CCDC178: variants seen among roughly 807,000 people sequenced by gnomAD.
The protein encoded by CCDC178 is coiled-coil domain-containing protein 178.
Under a neutral mutation model 117.4 loss-of-function variants are expected in CCDC178, and 126 were observed. The observed-to-expected ratio is 1.07, with a 90% CI of 0.93 to 1.24. The LOEUF (loss-of-function observed/expected upper bound fraction) is 1.24, where lower values mean the gene tolerates loss of function less well. Among genes scored for constraint, CCDC178 ranks in the 50% most tolerant of loss-of-function variants. The probability of loss-of-function intolerance (pLI) is 0.00; values close to 1 mark genes in which losing one functional copy is unlikely to be tolerated. For synonymous variants in CCDC178, 283 were observed against 313.4 expected (o/e 0.90, Z 1.02); for missense variants, 1,030 against 986.9 (o/e 1.04, Z -0.59).
At chr18:32,978,203 A>ATTTTTTTTTTTTTTTTTTTTTTTTTTTT (rs34863142) in intron 21 of CCDC178, among the ~76,000 whole-genome samples, 1 of 90,022 alleles carries the variant, frequency 1.1e-5, no homozygotes. Flanking sequence ...CTCAAAAAAG[A>ATTTTTTTTTTTTTTTTTTTTTTTTTTTT]TTTTTTTTTT....
At chr18:33,413,016 A>C (rs767039141) in intron 2 of CCDC178, among the ~76,000 whole-genome samples, 13 of 152,172 alleles carry the variant, frequency 8.5e-5, no homozygotes, top group Non-Finnish European at 1.8e-4. Flanking sequence ...TCTGTTCCCT[A>C]TAATTCCTGC....
At position 33,282,141 on chromosome 18, in the gene CCDC178, C is replaced by T. The variant is rs373638916; in HGVS notation, c.1176+11018G>A. 2.4e-4 allele frequency among the ~76,000 whole-genome samples: 36 copies of T among 152,226 alleles called. 1 individual carries two copies. In the South Asian group the frequency reaches 5.4e-3, roughly 23 times the overall value. On this transcript the variant is annotated intron_variant, in intron 12 of 22. Transcript: ENST00000383096. The stretch of plus-strand genomic sequence containing the variant: ...GCTCATTTTTGAACCACAACAGTTC[C>T]GGAGGAATAGGTGAGTGAAACTGGC...
At chr18:33,276,007 C>A (rs1398365004) in intron 12 of CCDC178, among the ~76,000 whole-genome samples, 1 of 140,002 alleles carries the variant, frequency 7.1e-6, no homozygotes, top group Non-Finnish European at 1.6e-5. Context: ...TAGAGCAAGA[C>A]CCTGTTTCTA....
At chr18:33,247,812 C>T (rs67663667) in intron 14 of CCDC178, among the ~76,000 whole-genome samples, 10,250 of 151,762 alleles carry the variant, frequency 0.068, 513 homozygotes, top group African/African-American at 0.14. Flanking sequence ...ACACAGTCCA[C>T]GCATTAAATG....
intron 20 of CCDC178, among the ~76,000 whole-genome samples, chr18:33,188,560 T>C (rs200316106): frequency 1.3e-5 from 2 of 151,974 alleles, no homozygotes; most frequent in African/African-American, 4.8e-5. Context: ...ACCTGCTGGT[T>C]TAAGGTGTAA....
intron 12 of CCDC178, among the ~76,000 whole-genome samples, chr18:33,268,921 C>G (rs1177847324): frequency 1.3e-5 from 2 of 151,820 alleles, no homozygotes; most frequent in Non-Finnish European, 2.9e-5. Flanking sequence ...GAAGAGTGCA[C>G]TTTGTGGTGT....
intron 2 of CCDC178, among the ~76,000 whole-genome samples, chr18:33,412,973 A>T (rs2063880622): frequency 6.6e-6 from 1 of 152,102 alleles, no homozygotes; most frequent in South Asian, 2.1e-4. Flanking sequence ...CCACATCGCT[A>T]ACAACCTCCC....
chr18:33,238,151 T>A (rs955421111), intron 15 of CCDC178, among the ~76,000 whole-genome samples: 5 of 152,138 alleles, frequency 3.3e-5, no homozygotes, highest in Non-Finnish European at 5.9e-5. Context: ...TCAACATGAA[T>A]AAGTTTCCCT....
intron 20 of CCDC178, among the ~76,000 whole-genome samples, chr18:33,154,313 GTGTC>G (rs2058370012): frequency 6.6e-6 from 1 of 152,134 alleles, no homozygotes; most frequent in African/African-American, 2.4e-5. Context: ...AAAAATAAGA[GTGTC>G]TGGAGTCGGT....
chr18:33,095,562 A>C (rs541000962), intron 20 of CCDC178, among the ~76,000 whole-genome samples: 1 of 152,174 alleles, frequency 6.6e-6, no homozygotes, highest in African/African-American at 2.4e-5. Flanking sequence ...TTGCACTGCG[A>C]AGATCTAACA....
At chr18:32,951,715 T>G (rs968815152) in intron 22 of CCDC178, among the ~76,000 whole-genome samples, 8 of 152,204 alleles carry the variant, frequency 5.3e-5, no homozygotes, top group African/African-American at 1.4e-4. Context: ...CCCAAAGTCT[T>G]AACTCATTCC....
chr18:33,093,421 G>A (rs1042539894), intron 20 of CCDC178, among the ~76,000 whole-genome samples: 4 of 152,012 alleles, frequency 2.6e-5, no homozygotes, highest in Non-Finnish European at 5.9e-5. Flanking sequence ...AAAAGACAAA[G>A]AATAGGGAAT....
chr18:33,344,766 T>C (rs1415215281), intron 9 of CCDC178, among the ~76,000 whole-genome samples: 1 of 150,596 alleles, frequency 6.6e-6, no homozygotes, highest in Non-Finnish European at 1.5e-5. Flanking sequence ...TCCCAGGGTG[T>C]CTTTTCTGAC....
intron 2 of CCDC178, among the ~76,000 whole-genome samples, chr18:33,425,588 TA>T (rs2064110620): frequency 6.6e-6 from 1 of 152,218 alleles, no homozygotes; most frequent in Admixed American, 6.5e-5. Flanking sequence ...CAATTATCTC[TA>T]GAGGATTTTA....
At chr18:33,365,846 A>T (rs1311428279) in intron 6 of CCDC178, among the ~76,000 whole-genome samples, 33 of 152,090 alleles carry the variant, frequency 2.2e-4, no homozygotes, top group Non-Finnish European at 7.4e-5. Flanking sequence ...ATAAAACAAG[A>T]GTCTTTTATT....
chr18:33,358,818 G>A (rs747656503), intron 6 of CCDC178, among the ~76,000 whole-genome samples: 6 of 151,734 alleles, frequency 4.0e-5, no homozygotes, highest in Non-Finnish European at 8.9e-5. Flanking sequence ...CACAAACTGA[G>A]AGAAAGTGTT....
chr18:32,945,128 A>G (rs910147718), intron 22 of CCDC178, among the ~76,000 whole-genome samples: 3 of 152,182 alleles, frequency 2.0e-5, no homozygotes, highest in East Asian at 1.9e-4. Context: ...AGATTTGTCA[A>G]TGCTGTATAT....
intron 2 of CCDC178, among the ~76,000 whole-genome samples, chr18:33,429,268 C>T (rs529263460): frequency 6.6e-6 from 1 of 151,738 alleles, no homozygotes; most frequent in East Asian, 1.9e-4. Flanking sequence ...GAACTAACGA[C>T]CTGGAACTGG....
In CCDC178 at chr18:33,331,792, C is replaced by T. The variant is rs142511406; in HGVS notation, c.879+1382G>A. Among the ~76,000 whole-genome samples the T allele has an allele frequency of 2.0e-4, 30 of 152,254 alleles. No homozygotes were observed. In the East Asian group the frequency reaches 5.8e-3, roughly 29 times the overall value. ...AGTAATAGAAATTGTTATAGGCACT[C>T]TGAAAAATAACTTGATGTTATCTAA... On this transcript the variant is annotated intron_variant, in intron 10 of 22. Transcript: ENST00000383096.
Sources: allele counts gnomAD v4.1 joint callset (sites outside exome capture counted in the v4.1 genomes callset), GRCh38; gene constraint gnomAD v4.1.1; transcripts MANE v1.5; gene names NCBI Gene and HGNC (gene_info 2026-07-23, HGNC 2026-07-21).